RGL1: variants seen among roughly 807,000 people sequenced by gnomAD.
RGL1 encodes the protein ral guanine nucleotide dissociation stimulator-like 1.
Under a neutral mutation model 95.2 loss-of-function variants are expected in RGL1, and 24 were observed. The ratio of observed to expected loss-of-function variants is 0.25; its 90% CI spans 0.18 to 0.35. The LOEUF (loss-of-function observed/expected upper bound fraction) is 0.35, where lower values mean the gene tolerates loss of function less well. Among genes scored for constraint, RGL1 ranks in the 10% least tolerant of loss-of-function variants. RGL1 has a pLI of 1.00. For missense variants in RGL1, 715 were observed against 936.3 expected, an observed-to-expected ratio of 0.76 and a Z score of 3.08; for synonymous variants, 329 against 344.9, an observed-to-expected ratio of 0.95 and a Z score of 0.51.
intron 4 of RGL1, among the ~76,000 whole-genome samples, chr1:183,869,213 A>G (rs938681894): frequency 6.6e-6 from 1 of 152,250 alleles, no homozygotes; most frequent in Non-Finnish European, 1.5e-5. Flanking sequence ...GTAGCAGTTA[A>G]GAAAATTGCA....
chr1:183,876,937 C>T (rs1312896916), intron 4 of RGL1, among the ~76,000 whole-genome samples: 1 of 152,210 alleles, frequency 6.6e-6, no homozygotes, highest in Admixed American at 6.5e-5. Flanking sequence ...AGTTGTAAGA[C>T]TGTTGATAAT....
At chr1:183,830,044 A>G (rs1048261246) in intron 2 of RGL1, among the ~76,000 whole-genome samples, 1 of 152,138 alleles carries the variant, frequency 6.6e-6, no homozygotes, top group African/African-American at 2.4e-5. Flanking sequence ...ACAGTGTCCT[A>G]TAATAGTATG....
At chr1:183,876,382 A>C (rs1666499155) in intron 4 of RGL1, among the ~76,000 whole-genome samples, 1 of 152,232 alleles carries the variant, frequency 6.6e-6, no homozygotes, top group Non-Finnish European at 1.5e-5. Context: ...TATGTTGCCA[A>C]GAATGCCTGA....
chr1:183,892,269 C>T, intron 9 of RGL1, 108 bp downstream of exon 9: 2 of 781,800 alleles, frequency 2.6e-6, no homozygotes, highest in Non-Finnish European at 1.9e-6. Flanking sequence ...CAAAGAAAGC[C>T]TAAAGTAACT....
chr1:183,779,137 A>C (rs866726348), intron 2 of RGL1, among the ~76,000 whole-genome samples: 2 of 151,368 alleles, frequency 1.3e-5, no homozygotes, highest in African/African-American at 4.9e-5. Flanking sequence ...TATTTGGAGC[A>C]TTGCAAAATT....
chr1:183,757,661 T>G (rs1658427919), intron 2 of RGL1, among the ~76,000 whole-genome samples: 1 of 152,198 alleles, frequency 6.6e-6, no homozygotes, highest in Admixed American at 6.5e-5. Context: ...AAAGAAAATA[T>G]CATTTATTGA....
chr1:183,693,074 C>T (rs1654052698), intron 1 of RGL1, among the ~76,000 whole-genome samples: 1 of 151,914 alleles, frequency 6.6e-6, no homozygotes, highest in South Asian at 2.1e-4. Context: ...TCTGCCCCAG[C>T]CTACTGAGTA....
intron 2 of RGL1, among the ~76,000 whole-genome samples, chr1:183,756,420 A>G (rs1658342240): frequency 6.6e-6 from 1 of 152,216 alleles, no homozygotes; most frequent in Admixed American, 6.5e-5. Context: ...ATGGCAAGAG[A>G]TGAAGCCAAG....
intron 2 of RGL1, among the ~76,000 whole-genome samples, chr1:183,764,380 G>A (rs1658858723): frequency 6.6e-6 from 1 of 152,168 alleles, no homozygotes; most frequent in South Asian, 2.1e-4. Flanking sequence ...GAAGTAGATG[G>A]TCAGTGGGCA....
chr1:183,772,563 TC>T, intron 2 of RGL1, among the ~76,000 whole-genome samples: 1 of 152,308 alleles, frequency 6.6e-6, no homozygotes, highest in East Asian at 1.9e-4. Flanking sequence ...GAAACTCTAC[TC>T]CCATGTCCTG....
At chr1:183,823,329 G>A (rs1403020340) in intron 2 of RGL1, among the ~76,000 whole-genome samples, 1 of 151,808 alleles carries the variant, frequency 6.6e-6, no homozygotes, top group Non-Finnish European at 1.5e-5. Flanking sequence ...ACCTGTGCTT[G>A]CAAGTTTCAT....
rs1669627902 is a variant in RGL1, at chr1:183,926,503, C to G, written c.*211C>G. ...GAAAAGGATGAACGATTCACTGATT[C>G]TCTTTGACTCATTTGAGACTAAAAT... On this transcript the variant is annotated 3_prime_UTR_variant, in exon 18 of 18. Transcript: ENST00000360851. 5.0e-6 allele frequency: 2 copies of G among 401,042 alleles called. No individual in the cohort carries two copies. Among genetic ancestry groups the G allele is most frequent in the African/African-American group, 4.1e-5 (2 of 48,714 alleles). 24.8% of individuals were successfully genotyped at this position (401,042 alleles called of 1,614,324 possible). A position where few individuals can be genotyped will look rare whatever the true frequency, so the allele number is the denominator to read the frequency against.
rs1558282101 is a variant in RGL1, at chr1:183,900,313, A to G, written c.1317+77A>G. The G allele has an allele frequency of 2.5e-6, 3 of 1,183,920 alleles. No individual in the cohort carries two copies. In the East Asian group the frequency reaches 7.1e-5, roughly 28 times the overall value. 73.3% of individuals were successfully genotyped at this position (1,183,920 alleles called of 1,614,324 possible). A position where few individuals can be genotyped will look rare whatever the true frequency, so the allele number is the denominator to read the frequency against. On this transcript the variant is annotated intron_variant, in intron 11 of 17. Coordinates refer to ENST00000360851, the MANE Select transcript of RGL1 (RefSeq NM_001297671.3). ...CCCTAAAGAGTAGTTAACTTCTCTTAGTATCTTTTGAAGGTCCAAAAGTAC... is the reference window on the plus strand; with the variant it reads ...CCCTAAAGAGTAGTTAACTTCTCTTGGTATCTTTTGAAGGTCCAAAAGTAC...
At chr1:183,647,895 A>G in intron 1 of RGL1, 1 of 1,614,198 alleles carries the variant, frequency 6.2e-7, no homozygotes, top group Non-Finnish European at 8.5e-7. Flanking sequence ...CCTGAGAGGC[A>G]CTAGCACAAA....
chr1:183,852,279 T>A (rs1253744012), intron 3 of RGL1, among the ~76,000 whole-genome samples: 3 of 152,210 alleles, frequency 2.0e-5, no homozygotes, highest in Non-Finnish European at 2.9e-5. Flanking sequence ...AATATGAGCC[T>A]TTTGTGATTG....
chr1:183,855,300 T>C (rs1665065573), intron 3 of RGL1, among the ~76,000 whole-genome samples: 1 of 152,228 alleles, frequency 6.6e-6, no homozygotes, highest in Non-Finnish European at 1.5e-5. Context: ...GAGCTGGTAG[T>C]TGTAAACCTT....
At chr1:183,652,733 C>T (rs957843716) in intron 1 of RGL1, among the ~76,000 whole-genome samples, 5 of 152,160 alleles carry the variant, frequency 3.3e-5, no homozygotes, top group African/African-American at 1.2e-4. Context: ...AGCCCTTTTC[C>T]TTTTGCTTTG....
intron 16 of RGL1, among the ~76,000 whole-genome samples, chr1:183,919,186 G>A (rs1015978814): frequency 2.0e-5 from 3 of 152,146 alleles, no homozygotes; most frequent in Non-Finnish European, 4.4e-5. Flanking sequence ...ATTTTTTAAT[G>A]AAAAATATCT....
rs1055354798 is a variant in RGL1, at chr1:183,640,595, T to A, written c.-33+4094T>A. ...TGAGACTTGTTTCATTTGATTTTTT[T>A]AATGGCTTATGATGATATAAAATGA... On this transcript the variant is annotated intron_variant, in intron 1 of 18. Transcript: ENST00000304685. Among the ~76,000 whole-genome samples, 3 of 152,364 alleles carry A rather than the reference T, an allele frequency of 2.0e-5. No homozygotes were observed. The East Asian group carries it at 5.8e-4, about 29-fold the overall frequency.
Sources: gnomAD v4.1 joint callset for allele counts (sites outside exome capture counted in the v4.1 genomes callset) on GRCh38, gnomAD v4.1.1 for gene constraint, MANE v1.5 for transcripts, NCBI Gene and HGNC (gene_info 2026-07-23, HGNC 2026-07-21) for gene names.